Variants in SPAG17 observed in about 807,000 individuals in gnomAD.
The protein encoded by SPAG17 is sperm associated antigen 17.
A neutral mutation model predicts 273.6 loss-of-function variants in SPAG17; 169 were observed. That is an observed-to-expected ratio of 0.62 (90% CI 0.55 to 0.70). The LOEUF (loss-of-function observed/expected upper bound fraction) is 0.70, where lower values mean the gene tolerates loss of function less well. SPAG17 is among the 30% of genes least tolerant of loss of function. The pLI, the probability that SPAG17 is intolerant of heterozygous loss-of-function variation, is 0.00. For missense variants in SPAG17, 2,557 were observed against 2,627.8 expected (o/e 0.97, Z 0.59); for synonymous variants, 825 against 873.2 (o/e 0.94, Z 0.97).
intron 3 of SPAG17, among the ~76,000 whole-genome samples, chr1:118,124,003 G>C (rs1405528825): frequency 6.6e-6 from 1 of 152,146 alleles, no homozygotes; most frequent in East Asian, 1.9e-4. Context: ...TTTTAGAAAT[G>C]TTTGCTGGAA....
rs1274325918 is a variant in SPAG17, at chr1:118,058,579, A to G, written c.2541-2665T>C. ...AAGATAGAAGTGTGGCAGATGGCAG[A>G]CTAAGAAGCCAGAAGCCTAGGTCTT... On this transcript the variant is annotated intron_variant, in intron 18 of 48. Coordinates refer to ENST00000336338, the MANE Select transcript of SPAG17 (RefSeq NM_206996.4). 2.6e-5 allele frequency among the ~76,000 whole-genome samples: 4 copies of G among 152,220 alleles called. No individual in the cohort carries two copies. The South Asian group carries it at 6.2e-4, about 24-fold the overall frequency.
At position 117,988,204 on chromosome 1, in the gene SPAG17, A is replaced by C; in HGVS notation, c.5522T>G (p.Val1841Gly). The C allele has an allele frequency of 1.3e-6, 2 of 1,592,526 alleles. No homozygotes were observed. Among genetic ancestry groups the C allele is most frequent in the South Asian group, 2.3e-5 (2 of 86,426 alleles). The change falls in exon 39 of 49, where the codon GTT (valine) becomes GGT (glycine). Residue 1841 changes from valine (V) to glycine (G), a missense_variant and splice_region_variant. Coordinates refer to ENST00000336338, the MANE Select transcript of SPAG17 (RefSeq NM_206996.4). ...GAATAAATCAGTTAGGTGAGCTGCA[A>C]CTTTAAACATAGATGTATTTAACTT... ...EETTKSHVTE[V>G]AAHLTDLFKQ...
intron 1 of SPAG17, among the ~76,000 whole-genome samples, chr1:118,161,760 C>T (rs1402302180): frequency 6.6e-6 from 1 of 152,156 alleles, no homozygotes; most frequent in Middle Eastern, 3.2e-3. Flanking sequence ...TGGTCTCGAT[C>T]TCCTGACCTC....
At chr1:118,122,798 G>T (rs1282989039) in intron 3 of SPAG17, among the ~76,000 whole-genome samples, 1 of 152,190 alleles carries the variant, frequency 6.6e-6, no homozygotes, top group Admixed American at 6.5e-5. Context: ...GTTCACTAAA[G>T]TCAGTACTTA....
chr1:118,145,280 CTG>C (rs1658910183), intron 3 of SPAG17, among the ~76,000 whole-genome samples: 1 of 152,148 alleles, frequency 6.6e-6, no homozygotes, highest in South Asian at 2.1e-4. Flanking sequence ...ATTCAAGGCA[CTG>C]TTTAAAAAAT....
At chr1:117,956,015 T>C (rs994432173) in intron 48 of SPAG17, among the ~76,000 whole-genome samples, 4 of 152,204 alleles carry the variant, frequency 2.6e-5, no homozygotes, top group Non-Finnish European at 5.9e-5. Flanking sequence ...TTAGCAGGCT[T>C]TAAAAAATTT....
chr1:118,025,373 G>A lies in SPAG17; in HGVS notation c.3774C>T (p.Val1258=). Residue 1258 remains valine (V), a synonymous_variant, in exon 27 of 49, where the codon GTC becomes GTT. Transcript: ENST00000336338. The stretch of plus-strand genomic sequence containing the variant: ...TCACCCTCTGGGGGTAGCTCTGACG[G>A]ACCATGATGTCCCAGGTGGGTTCCT... ...IDEEPTWDIM[V]RQSYPQRVKH... 1 of 1,606,552 alleles carries A rather than the reference G, an allele frequency of 6.2e-7. No homozygotes were observed. Among genetic ancestry groups the A allele is most frequent in the Non-Finnish European group, 8.5e-7 (1 of 1,177,444 alleles).
intron 23 of SPAG17, 29 bp downstream of exon 23, chr1:118,039,263 A>G: frequency 6.2e-7 from 1 of 1,605,482 alleles, no homozygotes; most frequent in Non-Finnish European, 8.5e-7. Flanking sequence ...TATTAGTCAG[A>G]AGAAAGAAAC....
At position 118,081,423 on chromosome 1, in the gene SPAG17, TG is replaced by T. The variant is rs1485052062; in HGVS notation, c.1981del (p.Gln661ArgfsTer42). The T allele has an allele frequency of 4.3e-6, 7 of 1,613,906 alleles. No individual in the cohort carries two copies. Among genetic ancestry groups the T allele is most frequent in the Non-Finnish European group, 4.2e-6 (5 of 1,179,966 alleles). ...VMKMNTQEAK[Q>X]KADIKIKDRT... ...CCCTCCATGCAGTGTACCTGCTTTC[TG>T]CTTGGCCTCTTGAGTATTCATTTTC... On this transcript the variant is annotated frameshift_variant, in exon 14 of 49. Coordinates refer to ENST00000336338, the MANE Select transcript of SPAG17 (RefSeq NM_206996.4). LOFTEE classifies it high-confidence loss of function.
At chr1:118,006,453 T>C (rs1658890891) in intron 31 of SPAG17, among the ~76,000 whole-genome samples, 16 of 152,274 alleles carry the variant, frequency 1.1e-4, no homozygotes, top group Admixed American at 9.8e-4. Context: ...ATAAGTAATA[T>C]TCCATTGTAT....
chr1:118,053,664 A>G (rs1651320028), intron 20 of SPAG17, among the ~76,000 whole-genome samples: 1 of 152,086 alleles, frequency 6.6e-6, no homozygotes, highest in South Asian at 2.1e-4. Flanking sequence ...ATTCTAAGAG[A>G]ATGCATAAAA....
chr1:118,162,186 G>A (rs535724437), intron 1 of SPAG17, among the ~76,000 whole-genome samples: 2 of 152,238 alleles, frequency 1.3e-5, no homozygotes, highest in East Asian at 3.9e-4. Context: ...TCTATTTATT[G>A]GATACGTTAG....
chr1:118,122,691 A>T (rs1049121392), intron 3 of SPAG17, among the ~76,000 whole-genome samples: 2 of 152,248 alleles, frequency 1.3e-5, no homozygotes, highest in African/African-American at 4.8e-5. Flanking sequence ...ACAGAAAGAG[A>T]ATATGAGTAG....
At chr1:117,996,333 G>T in intron 34 of SPAG17, 37 bp downstream of exon 34, 1 of 1,570,524 alleles carries the variant, frequency 6.4e-7, no homozygotes, top group South Asian at 1.2e-5. Context: ...AATTGGCAAA[G>T]AGACACCGTG....
rs539137062 is a variant in SPAG17 at position 118,146,963 on chromosome 1, C to G, written c.315+3580G>C. ...AAAAATGTCTCTGGGTCTCACCCCT[C>G]CCTGCCAACTACCCCAGCTAATGAT... On this transcript the variant is annotated intron_variant, in intron 3 of 48. Transcript: ENST00000336338. 2.0e-5 allele frequency among the ~76,000 whole-genome samples: 3 copies of G among 152,298 alleles called. No homozygotes were observed. In the East Asian group the frequency reaches 5.8e-4, roughly 29 times the overall value.
intron 43 of SPAG17, among the ~76,000 whole-genome samples, chr1:117,979,029 G>A (rs547920660): frequency 1.3e-4 from 20 of 152,040 alleles, no homozygotes; most frequent in African/African-American, 4.1e-4. Flanking sequence ...CACCATGCCT[G>A]GCTAATTTTT....
rs1159521135 is a variant in SPAG17 at position 118,039,326 on chromosome 1, T to C, written c.3285A>G (p.Glu1095=). The C allele has an allele frequency of 1.9e-6, 3 of 1,613,304 alleles. No homozygotes were observed. The East Asian group carries it at 6.7e-5, about 36-fold the overall frequency. The change falls in exon 23 of 49, where the codon GAA becomes GAG. Residue 1095 remains glutamate, a synonymous_variant. Transcript: ENST00000336338. ...GACTTTGTTCCTCATCTCCTTCTTC[T>C]TCCTCTTCTAAATAATAATCCCCTT... ...EEKGDYYLEE[E]EEGDEEQSLE...
Position 118,031,716 on chromosome 1 carries a change from T to A in SPAG17, c.3585A>T (p.Glu1195Asp). The change falls in exon 25 of 49, where the codon GAA (glutamate) becomes GAT (aspartate). Residue 1195 changes from glutamate (E) to aspartate (D), a missense_variant. Glu to Asp is a conservative substitution (Grantham distance 45). Transcript: ENST00000336338. ...EKPKESLKEE[E>D]HPKEEEKKEE... ...CCTTTTTCTCTTCTTCTTTTGGGTG[T>A]TCTTCTTCTTTAAGGGATTCTTTGG... The A allele has an allele frequency of 6.2e-7, 1 of 1,613,400 alleles. No individual in the cohort carries two copies. The highest frequency in any genetic ancestry group is 8.5e-7 in the Non-Finnish European group (1 of 1,179,742).
intron 48 of SPAG17, chr1:117,955,243 A>C: frequency 7.6e-7 from 1 of 1,307,704 alleles, no homozygotes; most frequent in Non-Finnish European, 1.1e-6. Flanking sequence ...GTTTTATAGG[A>C]GATAGAAATT....
Sources: gnomAD v4.1 joint callset for allele counts (sites outside exome capture counted in the v4.1 genomes callset) on GRCh38, gnomAD v4.1.1 for gene constraint, MANE v1.5 for transcripts, NCBI Gene and HGNC (gene_info 2026-07-23, HGNC 2026-07-21) for gene names.